The following CALHM4 variants were observed in gnomAD, a reference collection of about 807,000 sequenced individuals.
CALHM4 encodes the protein calcium homeostasis modulator protein 4.
Under a neutral mutation model 13.3 loss-of-function variants are expected in CALHM4, and 16 were observed. The observed-to-expected ratio is 1.20, with a 90% CI of 0.81 to 1.82. The LOEUF (loss-of-function observed/expected upper bound fraction) is 1.82, where lower values mean the gene tolerates loss of function less well. Ranked by LOEUF, CALHM4 falls within the 40% of genes most tolerant of loss-of-function variation. The pLI is 0.00. For synonymous variants in CALHM4, 127 were observed against 137.1 expected (o/e 0.93, Z 0.52); for missense variants, 344 against 374.9 (o/e 0.92, Z 0.68).
At chr6:116,543,308 A>G (rs1363715946) in intron 1 of CALHM4, 1 of 1,547,912 alleles carries the variant, frequency 6.5e-7, no homozygotes, top group Non-Finnish European at 8.7e-7. Flanking sequence ...CTTACATTTT[A>G]TCTAAATATT....
upstream of CALHM4, among the ~76,000 whole-genome samples, chr6:116,550,025 T>TATATATATAC (rs765467696): frequency 1.0e-5 from 1 of 96,338 alleles, no homozygotes; most frequent in African/African-American, 4.1e-5. Flanking sequence ...TATATATATA[T>TATATATATAC]ACACACACAC....
In CALHM4 at chr6:116,557,971, A is replaced by G; in HGVS notation, c.705A>G (p.Ala235=). ...LQNERELFEQ[A]AEQHSRLLMM... is the part of the protein sequence containing the mutation. ...ATGAGAGAGAACTCTTTGAACAAGC[A>G]GCAGAGCAGCACTCTCGGCTCCTCA... The change falls in exon 2 of 2, where the codon GCA becomes GCG. Residue 235 remains alanine (A), a synonymous_variant. Transcript: ENST00000368596. 6.2e-7 allele frequency: 1 copy of G among 1,614,204 alleles called. No individual in the cohort carries two copies. Among genetic ancestry groups the G allele is most frequent in the South Asian group, 1.1e-5 (1 of 91,080 alleles).
At chr6:116,534,720 TA>T (rs1230622342) in intron 1 of CALHM4, among the ~76,000 whole-genome samples, 1 of 151,366 alleles carries the variant, frequency 6.6e-6, no homozygotes, top group Non-Finnish European at 1.5e-5. Context: ...CTTGATTTTT[TA>T]TTACTCATCC....
chr6:116,535,127 A>G (rs1562350006), intron 1 of CALHM4, among the ~76,000 whole-genome samples: 1 of 152,256 alleles, frequency 6.6e-6, no homozygotes, highest in Non-Finnish European at 1.5e-5. Context: ...TTTGGAAGCT[A>G]CATTCACCAC....
chr6:116,534,680 C>T (rs756561588), intron 1 of CALHM4, among the ~76,000 whole-genome samples: 1 of 152,166 alleles, frequency 6.6e-6, no homozygotes, highest in Admixed American at 6.5e-5. Flanking sequence ...TTTAGGCACC[C>T]TCATTCATAT....
upstream of CALHM4, among the ~76,000 whole-genome samples, chr6:116,551,958 T>G (rs938927173): frequency 2.6e-5 from 4 of 152,238 alleles, no homozygotes; most frequent in Non-Finnish European, 5.9e-5. Context: ...TTGTATATTT[T>G]GAAATAAAAA....
At position 116,554,342 on chromosome 6, in the gene CALHM4, C is replaced by A; in HGVS notation, c.549C>A (p.Tyr183Ter). Reference protein sequence around the residue: ...VRDEIALLHRYQSQMLGWILI... With the variant: ...VRDEIALLHR ...ATGAAATAGCTCTTCTGCACAGATA[C>A]CAGTCACAGGTAAGTTTTTAGAATT... The change falls in exon 1 of 2, where the codon TAC becomes TAA. Residue 183 changes from tyrosine to a stop codon, truncating the protein, a stop_gained. Transcript: ENST00000368596. LOFTEE classifies it low-confidence loss of function (END_TRUNC). 2.0e-6 allele frequency: 3 copies of A among 1,533,744 alleles called. No homozygotes were observed. The highest frequency in any genetic ancestry group is 2.6e-6 in the Non-Finnish European group (3 of 1,140,324).
intron 1 of CALHM4, among the ~76,000 whole-genome samples, chr6:116,556,573 C>A (rs1774326693): frequency 6.6e-6 from 1 of 152,212 alleles, no homozygotes; most frequent in Non-Finnish European, 1.5e-5. Flanking sequence ...CTGGAAACTT[C>A]AGGCCTGTTG....
chr6:116,551,168 C>T (rs989840409), upstream of CALHM4, among the ~76,000 whole-genome samples: 6 of 152,140 alleles, frequency 3.9e-5, no homozygotes, highest in Non-Finnish European at 8.8e-5. Context: ...ACCCCCGTGA[C>T]CTTATGTGGC....
chr6:116,538,211 G>C, intron 1 of CALHM4, among the ~76,000 whole-genome samples: 1 of 152,162 alleles, frequency 6.6e-6, no homozygotes, highest in East Asian at 1.9e-4. Flanking sequence ...GTTGCCCTCA[G>C]CGCTAATAAT....
chr6:116,552,979 C>G (rs1184548988), upstream of CALHM4, among the ~76,000 whole-genome samples: 1 of 152,140 alleles, frequency 6.6e-6, no homozygotes, highest in African/African-American at 2.4e-5. Flanking sequence ...GAGGCTGAGG[C>G]AGGAGAATGG....
chr6:116,553,052 C>T (rs1343724415), upstream of CALHM4, among the ~76,000 whole-genome samples: 1 of 152,116 alleles, frequency 6.6e-6, no homozygotes, highest in Non-Finnish European at 1.5e-5. Context: ...CCAGCCTGGG[C>T]GACAGAGCGA....
rs1404929655 is a variant in CALHM4 at position 116,560,338 on chromosome 6, C to T, written c.*2127C>T. 6.6e-6 allele frequency among the ~76,000 whole-genome samples: 1 copy of T among 152,150 alleles called. No homozygotes were observed. Among genetic ancestry groups the T allele is most frequent in the Non-Finnish European group, 1.5e-5 (1 of 68,006 alleles). On this transcript the variant is annotated 3_prime_UTR_variant, in exon 2 of 2. Transcript: ENST00000368596. ...AAGAATATTTGAAGTTATAGCATTA[C>T]ATCATCAGAAAGAAGATTAATAGTT...
intron 1 of CALHM4, chr6:116,543,231 T>C: frequency 1.1e-5 from 12 of 1,131,568 alleles, no homozygotes; most frequent in Non-Finnish European, 1.5e-5. Context: ...AAGGAAGTCA[T>C]TAGAGGCAGA....
chr6:116,536,767 T>G (rs1773122288), intron 1 of CALHM4, among the ~76,000 whole-genome samples: 1 of 152,158 alleles, frequency 6.6e-6, no homozygotes, highest in Admixed American at 6.5e-5. Context: ...TTACAGCCAT[T>G]AGGTTCTATT....
At chr6:116,549,923 C>A (rs941091658), upstream of CALHM4, among the ~76,000 whole-genome samples, 4 of 146,128 alleles carry the variant, frequency 2.7e-5, no homozygotes, top group Non-Finnish European at 4.5e-5. Flanking sequence ...TTGCAGTGAG[C>A]CGAGATCATG....
At chr6:116,530,744 C>A (rs9387418) in intron 1 of CALHM4, among the ~76,000 whole-genome samples, 68,401 of 151,194 alleles carry the variant, frequency 0.45, 16,049 homozygotes, top group Middle Eastern at 0.63. Flanking sequence ...ATAACAAAGA[C>A]AGTTTTGTCT....
rs1180969607 is a variant in CALHM4, at chr6:116,534,029, C to G, written c.-109+4839C>G. Among the ~76,000 whole-genome samples, 3 of 152,178 alleles carry G rather than the reference C, an allele frequency of 2.0e-5. No homozygotes were observed. The East Asian group carries it at 5.8e-4, about 29-fold the overall frequency. ...ACCTTCCCCAACAAGATTTGAATCC[C>G]AGCCTTAAGAAGTGGAACTCTGTCT... On this transcript the variant is annotated intron_variant, in intron 1 of 2. Transcript: ENST00000368597.
intron 2 of CALHM4, among the ~76,000 whole-genome samples, chr6:116,546,117 C>G (rs1562358299): frequency 2.0e-5 from 3 of 152,238 alleles, no homozygotes; most frequent in Admixed American, 1.3e-4. Flanking sequence ...TATCTGGTAA[C>G]TTTTTTGCTT....
Sources: allele counts gnomAD v4.1 joint callset (sites outside exome capture counted in the v4.1 genomes callset), GRCh38; gene constraint gnomAD v4.1.1; transcripts MANE v1.5; gene names NCBI Gene and HGNC (gene_info 2026-07-23, HGNC 2026-07-21).